KCNQ3: variants seen among roughly 807,000 people sequenced by gnomAD.
The protein encoded by KCNQ3 is potassium voltage-gated channel subfamily KQT member 3.
Under a neutral mutation model 92.5 loss-of-function variants are expected in KCNQ3, and 30 were observed. The ratio of observed to expected loss-of-function variants is 0.32; its 90% CI spans 0.24 to 0.44. The LOEUF (loss-of-function observed/expected upper bound fraction) is 0.44. Among genes scored for constraint, KCNQ3 ranks in the 20% least tolerant of loss-of-function variants. KCNQ3 has a pLI of 1.00. For synonymous variants in KCNQ3, 450 were observed against 468.8 expected (o/e 0.96, Z 0.52); for missense variants, 913 against 1,140.3 (o/e 0.80, Z 2.87).
rs79186722 is a variant in KCNQ3 at position 132,224,589 on chromosome 8, G to A, written c.387-38408C>T. Among the ~76,000 whole-genome samples the A allele has an allele frequency of 4.8e-3, 726 of 152,158 alleles. 12 individuals carry two copies. The highest frequency in any genetic ancestry group is 0.017 in the African/African-American group (709 of 41,516). Reference sequence around the variant, plus strand: ...TGTACTCTCAAGAACCAAACCCAAGGCATGCTTTCACATTTTGCAGTACTC... The same window carrying A: ...TGTACTCTCAAGAACCAAACCCAAGACATGCTTTCACATTTTGCAGTACTC... On this transcript the variant is annotated intron_variant, in intron 1 of 14. Coordinates refer to ENST00000388996, the MANE Select transcript of KCNQ3 (RefSeq NM_004519.4).
intron 1 of KCNQ3, among the ~76,000 whole-genome samples, chr8:132,385,870 G>T (rs191239105): frequency 6.6e-6 from 1 of 152,000 alleles, no homozygotes; most frequent in African/African-American, 2.4e-5. Context: ...AGATGGTAAT[G>T]ATGATGGATA....
chr8:132,452,976 T>A (rs1036104893), intron 1 of KCNQ3, among the ~76,000 whole-genome samples: 16 of 151,952 alleles, frequency 1.1e-4, no homozygotes, highest in Admixed American at 1.0e-3. Flanking sequence ...TTACAGCTCA[T>A]GACAGGGTGC....
intron 1 of KCNQ3, among the ~76,000 whole-genome samples, chr8:132,224,848 A>G (rs909877473): frequency 1.3e-5 from 2 of 152,170 alleles, no homozygotes; most frequent in African/African-American, 4.8e-5. Context: ...TGGTTATTCA[A>G]CTAATTGGAA....
intron 1 of KCNQ3, among the ~76,000 whole-genome samples, chr8:132,392,224 C>A (rs1056462128): frequency 6.6e-6 from 1 of 152,176 alleles, no homozygotes; most frequent in Non-Finnish European, 1.5e-5. Flanking sequence ...ATTGACTTTT[C>A]TCCAGCAGAA....
In KCNQ3 at chr8:132,124,781, G is replaced by T. The variant is rs886062668; in HGVS notation, c.*4481C>A. On this transcript the variant is annotated 3_prime_UTR_variant, in exon 15 of 15. Coordinates refer to ENST00000388996, the MANE Select transcript of KCNQ3 (RefSeq NM_004519.4). The stretch of plus-strand genomic sequence containing the variant: ...TGAAGCAAATTCCTAAGGATGCCTG[G>T]GGTTCAGGAAGCAAAGAAGAATCTT... 4.6e-5 allele frequency: 7 copies of T among 152,328 alleles called. No individual in the cohort carries two copies. Among genetic ancestry groups the T allele is most frequent in the East Asian group, 3.9e-4 (2 of 5,182 alleles). 9.4% of individuals were successfully genotyped at this position (152,328 alleles called of 1,614,324 possible). A position where few individuals can be genotyped will look rare whatever the true frequency, so the allele number is the denominator to read the frequency against.
chr8:132,382,271 C>A (rs892490339), intron 1 of KCNQ3, among the ~76,000 whole-genome samples: 3 of 152,184 alleles, frequency 2.0e-5, no homozygotes, highest in Non-Finnish European at 2.9e-5. Flanking sequence ...GGAGGCAGAT[C>A]CCTCATGAAT....
At chr8:132,426,866 C>T (rs1297171918) in intron 1 of KCNQ3, among the ~76,000 whole-genome samples, 2 of 152,208 alleles carry the variant, frequency 1.3e-5, no homozygotes, top group Non-Finnish European at 2.9e-5. Flanking sequence ...CACTTCCTCA[C>T]TTTCATGCAT....
intron 1 of KCNQ3, among the ~76,000 whole-genome samples, chr8:132,350,670 C>T (rs932922404): frequency 6.6e-6 from 1 of 152,262 alleles, no homozygotes; most frequent in South Asian, 2.1e-4. Context: ...TTGTTCTTCC[C>T]TTCCTGACAA....
At chr8:132,152,855 C>T (rs1457634915) in intron 9 of KCNQ3, among the ~76,000 whole-genome samples, 1 of 152,088 alleles carries the variant, frequency 6.6e-6, no homozygotes, top group African/African-American at 2.4e-5. Flanking sequence ...ACAGAGTTCC[C>T]TCAAAGCCAA....
chr8:132,163,641 A>C, intron 8 of KCNQ3, 147 bp from the exon 9 acceptor site: 1 of 757,306 alleles, frequency 1.3e-6, no homozygotes, highest in Non-Finnish European at 2.3e-6. Flanking sequence ...GAGGGAACCA[A>C]TGAAGGAGGC....
chr8:132,419,909 C>T (rs1005987372), intron 1 of KCNQ3, among the ~76,000 whole-genome samples: 3 of 152,180 alleles, frequency 2.0e-5, no homozygotes, highest in East Asian at 1.9e-4. Flanking sequence ...AAGGATAAAA[C>T]GAACAGCACT....
intron 1 of KCNQ3, among the ~76,000 whole-genome samples, chr8:132,314,127 C>A (rs1817674079): frequency 6.6e-6 from 1 of 152,064 alleles, no homozygotes; most frequent in South Asian, 2.1e-4. Flanking sequence ...CCAAACCAAG[C>A]ATTATAACTA....
chr8:132,199,202 A>C (rs1827387177), intron 1 of KCNQ3, among the ~76,000 whole-genome samples: 2 of 152,188 alleles, frequency 1.3e-5, no homozygotes, highest in South Asian at 2.1e-4. Context: ...ATAAAAAAAA[A>C]CCAACTGATA....
chr8:132,416,575 T>C (rs1349313517), intron 1 of KCNQ3, among the ~76,000 whole-genome samples: 1 of 152,078 alleles, frequency 6.6e-6, no homozygotes, highest in Non-Finnish European at 1.5e-5. Context: ...TGAGCTGAGA[T>C]CGTACAACTG....
chr8:132,391,348 C>A (rs1276366971), intron 1 of KCNQ3, among the ~76,000 whole-genome samples: 1 of 152,122 alleles, frequency 6.6e-6, no homozygotes, highest in East Asian at 1.9e-4. Context: ...ATGCTCACAT[C>A]TGTAAAATGG....
chr8:132,380,613 C>A (rs1004172384), intron 1 of KCNQ3, among the ~76,000 whole-genome samples: 2 of 152,114 alleles, frequency 1.3e-5, no homozygotes, highest in African/African-American at 4.8e-5. Context: ...CACCCACACA[C>A]CCGTGGCTGC....
At chr8:132,397,899 C>T (rs1820232989) in intron 1 of KCNQ3, among the ~76,000 whole-genome samples, 1 of 152,110 alleles carries the variant, frequency 6.6e-6, no homozygotes, top group African/African-American at 2.4e-5. Flanking sequence ...TTCTGTATAT[C>T]CATCTATACA....
chr8:132,227,095 T>A (rs1586844730), intron 1 of KCNQ3, among the ~76,000 whole-genome samples: 1 of 149,722 alleles, frequency 6.7e-6, no homozygotes, highest in East Asian at 2.0e-4. Context: ...GGAGTCTCGC[T>A]GTGTTGCCAG....
chr8:132,135,975 C>T (rs772961653), intron 12 of KCNQ3, among the ~76,000 whole-genome samples: 6 of 151,608 alleles, frequency 4.0e-5, no homozygotes, highest in Admixed American at 1.3e-4. Context: ...AAAAATTAGC[C>T]GGGTATGGTG....
Sources: allele counts gnomAD v4.1 joint callset (sites outside exome capture counted in the v4.1 genomes callset), GRCh38; gene constraint gnomAD v4.1.1; transcripts MANE v1.5; gene names NCBI Gene and HGNC (gene_info 2026-07-23, HGNC 2026-07-21).